The following ACBD4 variants were observed in gnomAD, a reference collection of about 807,000 sequenced individuals.
ACBD4 encodes acyl-CoA-binding domain-containing protein 4.
A neutral mutation model predicts 46.0 loss-of-function variants in ACBD4; 41 were observed. The observed-to-expected ratio is 0.89, with a 90% confidence interval of 0.69 to 1.16. The LOEUF (loss-of-function observed/expected upper bound fraction) is 1.16. ACBD4 is among the 50% of genes most tolerant of loss of function. ACBD4 has a pLI of 0.00. For missense variants in ACBD4, 393 were observed against 399.5 expected, an observed-to-expected ratio of 0.98 and a Z score of 0.14; for synonymous variants, 162 against 155.9, an observed-to-expected ratio of 1.04 and a Z score of -0.29.
At chr17:45,137,228 C>T (rs74399388) in intron 5 of ACBD4, 89 bp downstream of exon 5, 12 of 1,602,352 alleles carry the variant, frequency 7.5e-6, no homozygotes, top group Middle Eastern at 1.7e-4. Context: ...GGGCTCCAGG[C>T]GACATCCCTG....
In ACBD4 at chr17:45,136,496, C is replaced by G; in HGVS notation, c.89-4C>G. ...TTGCCCTGGCTTCCCAACTCTCTGC[C>G]CAGGTTCTTACCGCCCCTCCTATGA... On this transcript the variant is annotated splice_region_variant and splice_polypyrimidine_tract_variant and intron_variant, in intron 2 of 9. Transcript: ENST00000321854. The G allele has an allele frequency of 1.2e-6, 2 of 1,611,764 alleles. No individual in the cohort carries two copies. The highest frequency in any genetic ancestry group is 8.5e-7 in the Non-Finnish European group (1 of 1,178,752).
chr17:45,140,165 TTC>T (rs1273901835), intron 9 of ACBD4, among the ~76,000 whole-genome samples: 1 of 145,532 alleles, frequency 6.9e-6, no homozygotes, highest in Non-Finnish European at 1.5e-5. Flanking sequence ...CTTTCTTTTC[TTC>T]TGTTTTTTTT....
At position 45,136,707 on chromosome 17, in the gene ACBD4, T is replaced by G; in HGVS notation, c.225T>G (p.Ser75Arg). 6.2e-7 allele frequency: 1 copy of G among 1,614,028 alleles called. No individual in the cohort carries two copies. The highest frequency in any genetic ancestry group is 8.5e-7 in the Non-Finnish European group (1 of 1,180,006). ...CTGCCCCCAGGGACGCCTGGAACAG[T>G]CTGGGCAAGATGAGCAGGGAGGAGG... ...IGRYKWDAWN[S>R]LGKMSREEAM... Residue 75 changes from serine (S) to arginine (R), a missense_variant, in exon 4 of 10, where the codon AGT becomes AGG. Ser to Arg is a moderately radical substitution (Grantham distance 110, BLOSUM62 -1). This residue lies in a region of ACBD4 where 308 missense variants were observed against 301.8 expected (regional missense o/e 1.02). Transcript: ENST00000321854.
At position 45,143,349 on chromosome 17, in the gene ACBD4, G is replaced by T. The variant is rs2055412240; in HGVS notation, c.790-94G>T. The T allele has an allele frequency of 3.6e-6, 4 of 1,117,986 alleles. No homozygotes were observed. The South Asian group carries it at 6.6e-5, about 19-fold the overall frequency. 69.3% of individuals were successfully genotyped at this position (1,117,986 alleles called of 1,614,324 possible). ...CTAGTGGTGCAGACTTAGGGGCAGG[G>T]TCTTTCCAATCTTCCACTGAATTGG... is the stretch of plus-strand genomic sequence containing the variant. On this transcript the variant is annotated intron_variant, in intron 9 of 9. Coordinates refer to ENST00000321854, the MANE Select transcript of ACBD4 (RefSeq NM_001135705.3).
At position 45,137,036 on chromosome 17, in the gene ACBD4, C is replaced by G; in HGVS notation, c.312C>G (p.Pro104=). ...CCCTACAGGTGATCGACACAGTGCC[C>G]CTGGGTGAGGTGGCAGAGGACATGT... ...LVAQKVIDTV[P]LGEVAEDMFG... is the part of the protein sequence containing the mutation. The change falls in exon 5 of 10, where the codon CCC becomes CCG. Residue 104 remains proline (P), a synonymous_variant. Coordinates refer to ENST00000321854, the MANE Select transcript of ACBD4 (RefSeq NM_001135705.3). The G allele has an allele frequency of 6.2e-7, 1 of 1,614,138 alleles. No homozygotes were observed. The highest frequency in any genetic ancestry group is 1.1e-5 in the South Asian group (1 of 91,090).
intron 9 of ACBD4, among the ~76,000 whole-genome samples, chr17:45,142,191 G>A (rs372480189): frequency 5.9e-5 from 9 of 151,894 alleles, no homozygotes; most frequent in African/African-American, 1.9e-4. Context: ...TCAGGAGTTC[G>A]AGACCAGCCT....
Position 45,143,767 on chromosome 17 carries a change from C to T in ACBD4, c.*196C>T. 1.1e-6 allele frequency: 1 copy of T among 885,482 alleles called. No individual in the cohort carries two copies. Among genetic ancestry groups the T allele is most frequent in the Non-Finnish European group, 1.7e-6 (1 of 589,890 alleles). 54.9% of individuals were successfully genotyped at this position (885,482 alleles called of 1,614,324 possible). On this transcript the variant is annotated 3_prime_UTR_variant, in exon 10 of 10. Coordinates refer to ENST00000321854, the MANE Select transcript of ACBD4 (RefSeq NM_001135705.3). ...GCTTCACAGGGACGCTTCCTTCCCTCCCCGCAACCACCCCAGGCTCCCCTG... is the reference window on the plus strand; with the variant it reads ...GCTTCACAGGGACGCTTCCTTCCCTTCCCGCAACCACCCCAGGCTCCCCTG...
upstream of ACBD4, chr17:45,133,120 C>G (rs938022452): frequency 1.3e-5 from 2 of 152,370 alleles, no homozygotes; most frequent in Non-Finnish European, 1.5e-5. Context: ...TCCCCAGCAA[C>G]TGGTTCTGGG....
intron 9 of ACBD4, 115 bp downstream of exon 9, chr17:45,139,275 TC>T: frequency 9.3e-7 from 1 of 1,076,838 alleles, no homozygotes; most frequent in Non-Finnish European, 1.4e-6. Flanking sequence ...CACATCTCTC[TC>T]CAGAGAATGG....
upstream of ACBD4, chr17:45,132,108 G>A: frequency 1.1e-6 from 1 of 949,976 alleles, no homozygotes; most frequent in Non-Finnish European, 1.4e-6. This position sits in a 1 kb window ranked among gnomAD's most constrained non-coding sequence, Gnocchi z 4.6. Flanking sequence ...CCAGCTGGAG[G>A]GAGCTGGCCC....
At chr17:45,132,123 C>G (rs540382037), upstream of ACBD4, 1 of 1,066,754 alleles carries the variant, frequency 9.4e-7, no homozygotes. The surrounding 1 kb of genome is among the most constrained non-coding windows in gnomAD (Gnocchi z 4.6). Context: ...TGGCCCTCCG[C>G]CCCTAGCCAT....
upstream of ACBD4, among the ~76,000 whole-genome samples, chr17:45,135,168 G>C (rs2054733192): frequency 6.6e-6 from 1 of 152,102 alleles, no homozygotes. Context: ...GTTTCACTAT[G>C]TTGGCCCGGC....
Position 45,143,769 on chromosome 17 carries a change from C to G in ACBD4, c.*198C>G. 1 of 858,472 alleles carries G rather than the reference C, an allele frequency of 1.2e-6. No individual in the cohort carries two copies. The allele number at this position is 858,472 out of a possible 1,614,324, so 53.2% of individuals were successfully genotyped here. A position where few individuals can be genotyped will look rare whatever the true frequency, so the allele number is the denominator to read the frequency against. On this transcript the variant is annotated 3_prime_UTR_variant, in exon 10 of 10. Transcript: ENST00000321854. ...TTCACAGGGACGCTTCCTTCCCTCCCCGCAACCACCCCAGGCTCCCCTGGG... is the reference window on the plus strand; with the variant it reads ...TTCACAGGGACGCTTCCTTCCCTCCGCGCAACCACCCCAGGCTCCCCTGGG...
At chr17:45,134,674 G>A (rs1012036613), upstream of ACBD4, among the ~76,000 whole-genome samples, 18 of 152,136 alleles carry the variant, frequency 1.2e-4, no homozygotes, top group African/African-American at 4.3e-4. Context: ...TTGCTCGGGA[G>A]GCTGAGGCAG....
chr17:45,134,017 T>TACAG (rs1473097762), upstream of ACBD4, among the ~76,000 whole-genome samples: 1 of 152,250 alleles, frequency 6.6e-6, no homozygotes, highest in Non-Finnish European at 1.5e-5. Flanking sequence ...TGGAGAGGCA[T>TACAG]GTAATGTTTT....
intron 9 of ACBD4, among the ~76,000 whole-genome samples, chr17:45,142,370 G>A (rs2055331015): frequency 9.0e-6 from 1 of 110,768 alleles, no homozygotes; most frequent in African/African-American, 3.5e-5. Context: ...TCTAGCCTGG[G>A]AGACAGAGCA....
At chr17:45,132,438 C>T, upstream of ACBD4, 1 of 1,187,604 alleles carries the variant, frequency 8.4e-7, no homozygotes, top group Non-Finnish European at 1.0e-6. The surrounding 1 kb of genome is among the most constrained non-coding windows in gnomAD (Gnocchi z 4.6). Context: ...GGGCCGGGCC[C>T]GGGGTCTGCA....
chr17:45,136,446 G>GC, intron 2 of ACBD4, 54 bp from the exon 3 acceptor site: 1 of 1,574,648 alleles, frequency 6.4e-7, no homozygotes, highest in Non-Finnish European at 8.7e-7. Flanking sequence ...CCGCCCCTCC[G>GC]CCCCTTGGAG....
upstream of ACBD4, chr17:45,132,465 C>T: frequency 1.9e-6 from 2 of 1,064,494 alleles, no homozygotes; most frequent in Non-Finnish European, 2.3e-6. This position sits in a 1 kb window ranked among gnomAD's most constrained non-coding sequence, Gnocchi z 4.6. Context: ...GACAGGGCAG[C>T]GGGGCGCCGC....
Sources: allele counts gnomAD v4.1 joint callset (sites outside exome capture counted in the v4.1 genomes callset), GRCh38; gene constraint gnomAD v4.1.1; regional missense constraint gnomAD v4.1.1; non-coding constraint Gnocchi (gnomAD v3.1); transcripts MANE v1.5; gene names NCBI Gene and HGNC (gene_info 2026-07-23, HGNC 2026-07-21).